The following LHB variants were observed in gnomAD, a reference collection of about 807,000 sequenced individuals.
The protein encoded by LHB is lutropin subunit beta.
LHB carries 11 observed loss-of-function variants against 10.6 expected under a neutral mutation model. The ratio of observed to expected loss-of-function variants is 1.04; its 90% confidence interval spans 0.66 to 1.72. The LOEUF (loss-of-function observed/expected upper bound fraction) is 1.72. Ranked by LOEUF, LHB falls within the 40% of genes most tolerant of loss-of-function variation. The pLI, the probability that LHB is intolerant of heterozygous loss-of-function variation, is 0.00. For synonymous variants in LHB, 86 were observed against 83.1 expected (o/e 1.03, Z -0.19); for missense variants, 184 against 197.3 (o/e 0.93, Z 0.41).
At chr19:49,018,541 C>T (rs1293220661), upstream of LHB, among the ~76,000 whole-genome samples, 1 of 152,114 alleles carries the variant, frequency 6.6e-6, no homozygotes, top group Non-Finnish European at 1.5e-5. Flanking sequence ...GCTTTCGCAT[C>T]CTAGGGAAGT....
chr19:49,016,290 G>A lies in LHB; in HGVS notation c.204C>T (p.Val68=). The A allele has an allele frequency of 6.2e-7, 1 of 1,611,550 alleles. No individual in the cohort carries two copies. Among genetic ancestry groups the A allele is most frequent in the Non-Finnish European group, 8.5e-7 (1 of 1,179,784 alleles). Residue 68 remains valine, a synonymous_variant, in exon 3 of 3, where the codon GTC becomes GTT. Transcript: ENST00000649238. ...CPTMMRVLQA[V]LPPLPQVVCT... ...ACACCACCTGAGGCAGGGGCGGCAG[G>A]ACCGCCTGCAGCACGCGCATCTGGA...
At chr19:49,019,014 G>A, upstream of LHB, 1 of 1,529,464 alleles carries the variant, frequency 6.5e-7, no homozygotes, top group Middle Eastern at 2.3e-4. Flanking sequence ...AGCAAGATTG[G>A]GGGAGGAGGC....
upstream of LHB, chr19:49,017,104 T>C: frequency 1.2e-6 from 2 of 1,613,972 alleles, no homozygotes; most frequent in Non-Finnish European, 1.7e-6. Context: ...CCCTGCCTCG[T>C]GTATCTGGCT....
upstream of LHB, chr19:49,017,911 C>A (rs1600207494): frequency 5.0e-6 from 2 of 398,402 alleles, no homozygotes; most frequent in African/African-American, 2.1e-5. Context: ...AGGTCCCGAG[C>A]TCCGCTCGGC....
upstream of LHB, chr19:49,019,143 G>C (rs1046108734): frequency 8.6e-5 from 122 of 1,415,354 alleles, no homozygotes; most frequent in Middle Eastern, 5.2e-4. Flanking sequence ...CCCAGGGTTA[G>C]AGCCCTTCCT....
chr19:49,016,056 C>T lies in LHB; in HGVS notation c.*12G>A, dbSNP rs371411755. On this transcript the variant is annotated 3_prime_UTR_variant, in exon 3 of 3. Coordinates refer to ENST00000649238, the MANE Select transcript of LHB (RefSeq NM_000894.3). ...GAGTCGGGATGGACTTGGAAGGCTGCGGGGAGGGTCTTTAGAGGAAGAGGA... is the reference window on the plus strand; with the variant it reads ...GAGTCGGGATGGACTTGGAAGGCTGTGGGGAGGGTCTTTAGAGGAAGAGGA... 2.1e-4 allele frequency: 331 copies of T among 1,613,610 alleles called. No individual in the cohort carries two copies. Among genetic ancestry groups the T allele is most frequent in the Non-Finnish European group, 2.7e-4 (320 of 1,179,988 alleles).
chr19:49,017,183 C>T, upstream of LHB: 3 of 1,576,320 alleles, frequency 1.9e-6, no homozygotes, highest in South Asian at 1.1e-5. Flanking sequence ...AACCTGGACA[C>T]TAATCCCCCC....
At chr19:49,017,113 C>G, upstream of LHB, 1 of 1,613,932 alleles carries the variant, frequency 6.2e-7, no homozygotes, top group East Asian at 2.2e-5. Context: ...GTGTATCTGG[C>G]TATATACCTC....
chr19:49,016,012 C>A lies in LHB; in HGVS notation c.*56G>T. 1 of 1,614,058 alleles carries A rather than the reference C, an allele frequency of 6.2e-7. No homozygotes were observed. Among genetic ancestry groups the A allele is most frequent in the Non-Finnish European group, 8.5e-7 (1 of 1,180,032 alleles). On this transcript the variant is annotated 3_prime_UTR_variant, in exon 3 of 3. Transcript: ENST00000649238. ...TGAGAAGCCTTTATTGTGGGAGGAT[C>A]GGGGTGTCAGGGCTCCAGGAGTCGG...
Position 49,016,728 on chromosome 19 carries a change from A to G in LHB, c.16-14T>C, listed in dbSNP as rs1173483316. ...CAGCAGCAGCCCCTGGGACAAGGAC[A>G]CTGCTTCACCCAGGTCTGAGACCGC... On this transcript the variant is annotated splice_polypyrimidine_tract_variant and intron_variant, in intron 1 of 2. Transcript: ENST00000649238. 1.2e-6 allele frequency: 2 copies of G among 1,610,024 alleles called. No homozygotes were observed. The highest frequency in any genetic ancestry group is 2.2e-4 in the Middle Eastern group (1 of 4,530).
At chr19:49,018,526 A>G (rs531693503), upstream of LHB, among the ~76,000 whole-genome samples, 184 of 152,094 alleles carry the variant, frequency 1.2e-3, no homozygotes, top group African/African-American at 4.3e-3. Context: ...CGTCCTGGAA[A>G]CTGAGCTTTC....
At chr19:49,018,141 G>C, upstream of LHB, 1 of 401,636 alleles carries the variant, frequency 2.5e-6, no homozygotes, top group Non-Finnish European at 4.4e-6. Flanking sequence ...TAGGACTCCT[G>C]AGCCAGAGAC....
At chr19:49,018,481 C>T, upstream of LHB, 2 of 468,546 alleles carry the variant, frequency 4.3e-6, no homozygotes, top group Non-Finnish European at 6.9e-6. Flanking sequence ...ACCCGGCACG[C>T]GTTGCCTGCG....
intron 1 of LHB, 103 bp downstream of exon 1, chr19:49,016,964 C>A: frequency 6.2e-7 from 1 of 1,610,610 alleles, no homozygotes; most frequent in Non-Finnish European, 8.5e-7. Flanking sequence ...TCATGCCCCT[C>A]CAGAAAGAGG....
chr19:49,018,152 A>G (rs1300479464), upstream of LHB: 1 of 403,006 alleles, frequency 2.5e-6, no homozygotes, highest in East Asian at 3.6e-5. Context: ...AGCCAGAGAC[A>G]GGGCTCCCCG....
upstream of LHB, chr19:49,019,093 G>A: frequency 1.4e-6 from 2 of 1,443,120 alleles, no homozygotes; most frequent in Non-Finnish European, 1.8e-6. Context: ...CCTCTCCTTC[G>A]GCCTCGACAG....
upstream of LHB, among the ~76,000 whole-genome samples, chr19:49,018,505 G>C (rs191116529): frequency 3.2e-4 from 49 of 152,206 alleles, no homozygotes; most frequent in East Asian, 8.5e-3. Flanking sequence ...CTGGGTCCTC[G>C]AGGTACTTAA....
At chr19:49,019,481 G>C, upstream of LHB, 6 of 1,226,176 alleles carry the variant, frequency 4.9e-6, no homozygotes, top group Non-Finnish European at 6.1e-6. Flanking sequence ...GTAGTCCCTG[G>C]TCCTTCTGGC....
upstream of LHB, chr19:49,019,063 T>C (rs1419086537): frequency 2.7e-6 from 4 of 1,469,148 alleles, no homozygotes; most frequent in African/African-American, 5.6e-5. Context: ...TCCCAAGCCC[T>C]GGGTCCCGAG....
Sources: allele counts gnomAD v4.1 joint callset (sites outside exome capture counted in the v4.1 genomes callset), GRCh38; gene constraint gnomAD v4.1.1; transcripts MANE v1.5; gene names NCBI Gene and HGNC (gene_info 2026-07-23, HGNC 2026-07-21).